The following COBLL1 variants were observed in gnomAD, a reference collection of about 807,000 sequenced individuals.
COBLL1 encodes the protein cordon-bleu protein-like 1.
Under a neutral mutation model 94.8 loss-of-function variants are expected in COBLL1, and 50 were observed. The observed-to-expected ratio is 0.53, with a 90% CI of 0.42 to 0.67. The LOEUF is 0.67. Ranked by LOEUF, COBLL1 falls within the 30% of genes least tolerant of loss-of-function variation. The pLI, the probability that COBLL1 is intolerant of heterozygous loss-of-function variation, is 0.00. For synonymous variants in COBLL1, 448 were observed against 473.8 expected, an observed-to-expected ratio of 0.95 and a Z score of 0.71; for missense variants, 1,362 against 1,348.7, an observed-to-expected ratio of 1.01 and a Z score of -0.15.
At chr2:164,729,884 A>G in intron 4 of COBLL1, 30 bp downstream of exon 4, 1 of 1,559,560 alleles carries the variant, frequency 6.4e-7, no homozygotes, top group South Asian at 1.1e-5. Context: ...TGACTGAATA[A>G]GACATCAAAA....
chr2:164,696,870 C>G (rs1003770423), intron 11 of COBLL1: 4 of 152,134 alleles, frequency 2.6e-5, no homozygotes, highest in African/African-American at 9.7e-5. Flanking sequence ...TCTTCAAAAC[C>G]CTAGTGGCCT....
chr2:164,792,734 C>T (rs1683254511), intron 2 of COBLL1, among the ~76,000 whole-genome samples: 1 of 152,088 alleles, frequency 6.6e-6, no homozygotes, highest in Non-Finnish European at 1.5e-5. Flanking sequence ...TTTATAACAT[C>T]AATTTTGTAT....
At chr2:164,741,435 A>T (rs987370069) in intron 3 of COBLL1, among the ~76,000 whole-genome samples, 1 of 152,022 alleles carries the variant, frequency 6.6e-6, no homozygotes, top group Non-Finnish European at 1.5e-5. Flanking sequence ...CTTTTATCAA[A>T]GGTAGTACCA....
At chr2:164,812,896 G>A (rs150612606) in intron 2 of COBLL1, among the ~76,000 whole-genome samples, 238 of 152,020 alleles carry the variant, frequency 1.6e-3, no homozygotes, top group African/African-American at 5.3e-3. Context: ...TACTTTCCCC[G>A]TAAGTATGGC....
intron 2 of COBLL1, among the ~76,000 whole-genome samples, chr2:164,788,297 G>GA (rs562710186): frequency 5.9e-4 from 90 of 152,256 alleles, no homozygotes; most frequent in Middle Eastern, 3.4e-3. Flanking sequence ...TTCTAAGAAA[G>GA]ACTGATGTGC....
rs143097587 is a variant in COBLL1, at chr2:164,716,977, A to T, written c.996+5098T>A. Among the ~76,000 whole-genome samples, 218 of 152,302 alleles carry T rather than the reference A, an allele frequency of 1.4e-3. 2 individuals carry two copies. The highest frequency in any genetic ancestry group is 0.012 in the South Asian group (60 of 4,826). ...ACATAGTTTCTGTGGCTCTTAAAAG[A>T]ACAAGAAAATGCATTAAAAACTCAA... On this transcript the variant is annotated intron_variant, in intron 7 of 13. Coordinates refer to ENST00000652658, the MANE Select transcript of COBLL1 (RefSeq NM_001365672.2).
intron 7 of COBLL1, among the ~76,000 whole-genome samples, chr2:164,717,685 CT>C (rs2105487557): frequency 6.6e-6 from 1 of 152,298 alleles, no homozygotes; most frequent in South Asian, 2.1e-4. Flanking sequence ...TCCTGAGTAG[CT>C]GGGACTGCAG....
intron 2 of COBLL1, chr2:164,837,453 TGCA>T: frequency 2.1e-6 from 1 of 466,660 alleles, no homozygotes; most frequent in Non-Finnish European, 4.4e-6. Context: ...TCTTCTCCAA[TGCA>T]GCATTTCAAT....
At chr2:164,839,407 C>T (rs1463650233) in intron 2 of COBLL1, among the ~76,000 whole-genome samples, 1 of 152,072 alleles carries the variant, frequency 6.6e-6, no homozygotes, top group East Asian at 1.9e-4. Context: ...AACTAGGCAA[C>T]ATAGCAAGAC....
At chr2:164,671,893 G>A (rs563891205) in intron 1 of COBLL1, among the ~76,000 whole-genome samples, 1 of 152,042 alleles carries the variant, frequency 6.6e-6, no homozygotes, top group African/African-American at 2.4e-5. Context: ...TTTCATTCTG[G>A]TTGGTTTAGT....
intron 2 of COBLL1, among the ~76,000 whole-genome samples, chr2:164,811,292 T>C (rs774402906): frequency 7.2e-5 from 11 of 151,992 alleles, no homozygotes; most frequent in Non-Finnish European, 1.3e-4. Flanking sequence ...TGTTTGGAAT[T>C]GTTCTAGATT....
chr2:164,750,746 A>T (rs181970373), intron 2 of COBLL1, among the ~76,000 whole-genome samples: 1 of 152,300 alleles, frequency 6.6e-6, no homozygotes, highest in East Asian at 1.9e-4. Flanking sequence ...CTTGGCTTGC[A>T]GGCCCCAAAT....
At chr2:164,787,283 T>A (rs972162997) in intron 2 of COBLL1, among the ~76,000 whole-genome samples, 1 of 152,102 alleles carries the variant, frequency 6.6e-6, no homozygotes, top group Non-Finnish European at 1.5e-5. Flanking sequence ...CTGAAACATC[T>A]CCACATCAGA....
At chr2:164,797,441 C>T (rs1388874539) in intron 2 of COBLL1, among the ~76,000 whole-genome samples, 1 of 152,090 alleles carries the variant, frequency 6.6e-6, no homozygotes, top group Non-Finnish European at 1.5e-5. Flanking sequence ...ACTAAACAAG[C>T]CTCTGAATTC....
In COBLL1 at chr2:164,694,262, C is replaced by T. The variant is rs918384476; in HGVS notation, c.3123+7G>A. ...TGAATACTTATTTTTAAAAAGGCTA[C>T]AGTTACCTTATCAGACACACCAAGC... On this transcript the variant is annotated splice_region_variant and intron_variant, in intron 12 of 13. Coordinates refer to ENST00000652658, the MANE Select transcript of COBLL1 (RefSeq NM_001365672.2). The T allele has an allele frequency of 7.5e-6, 12 of 1,608,148 alleles. No individual in the cohort carries two copies. Among genetic ancestry groups the T allele is most frequent in the Non-Finnish European group, 1.0e-5 (12 of 1,177,178 alleles).
chr2:164,728,266 G>C, intron 4 of COBLL1, 69 bp from the exon 5 acceptor site: 3 of 930,886 alleles, frequency 3.2e-6, no homozygotes, highest in Non-Finnish European at 5.1e-6. Context: ...ATAATGTCTA[G>C]AATAATGAGA....
At chr2:164,737,967 G>A (rs1686400185) in intron 3 of COBLL1, among the ~76,000 whole-genome samples, 1 of 152,180 alleles carries the variant, frequency 6.6e-6, no homozygotes, top group South Asian at 2.1e-4. Flanking sequence ...AAAGCCCAGA[G>A]AGGTGAGGTG....
intron 2 of COBLL1, among the ~76,000 whole-genome samples, chr2:164,797,797 C>A (rs548352065): frequency 6.6e-6 from 1 of 152,276 alleles, no homozygotes; most frequent in East Asian, 1.9e-4. Flanking sequence ...TTCCTCCTTG[C>A]AAACAGAAAG....
At chr2:164,693,053 G>A (rs913873792) in intron 12 of COBLL1, among the ~76,000 whole-genome samples, 5 of 152,118 alleles carry the variant, frequency 3.3e-5, no homozygotes, top group African/African-American at 1.2e-4. Context: ...AGTAACTGAT[G>A]TAAGTGGCAT....
Sources: allele counts gnomAD v4.1 joint callset (sites outside exome capture counted in the v4.1 genomes callset), GRCh38; gene constraint gnomAD v4.1.1; transcripts MANE v1.5; gene names NCBI Gene and HGNC (gene_info 2026-07-23, HGNC 2026-07-21).